Variants in ANK3 observed in about 807,000 individuals in gnomAD.
ANK3 encodes the protein ankyrin-3.
ANK3 carries 57 observed loss-of-function variants against 370.9 expected under a neutral mutation model. The observed-to-expected ratio is 0.15, with a 90% CI of 0.12 to 0.19. ANK3 has a LOEUF of 0.19. Ranked by LOEUF, ANK3 falls within the 10% of genes least tolerant of loss-of-function variation. The probability of loss-of-function intolerance (pLI) is 1.00; values close to 1 mark genes in which losing one functional copy is unlikely to be tolerated. For synonymous variants in ANK3, 1,929 were observed against 1,946.3 expected (o/e 0.99, Z 0.23); for missense variants, 4,439 against 5,302.1 (o/e 0.84, Z 5.06).
chr10:60,480,766 T>C (rs908268901), intron 2 of ANK3, among the ~76,000 whole-genome samples: 18 of 152,328 alleles, frequency 1.2e-4, no homozygotes, highest in African/African-American at 4.1e-4. Context: ...CACAACTTGA[T>C]GATACTTGCC....
At chr10:60,141,339 A>G (rs2094546593) in intron 23 of ANK3, among the ~76,000 whole-genome samples, 1 of 152,112 alleles carries the variant, frequency 6.6e-6, no homozygotes, top group African/African-American at 2.4e-5. Flanking sequence ...GAGGAAGTGC[A>G]AAGCAAAGGG....
chr10:60,208,177 C>T lies in ANK3; in HGVS notation c.1053G>A (p.Gln351=). The change falls in exon 10 of 44, where the codon CAG becomes CAA. Residue 351 remains glutamine, a synonymous_variant. Coordinates refer to ENST00000280772, the MANE Select transcript of ANK3 (RefSeq NM_020987.5). ...CGGGTACATTATGCTGGAGGAGAAG[C>T]TGGACGCAGTTTAAATGATCCCCTT... ...ATQGDHLNCV[Q]LLLQHNVPVD... The T allele has an allele frequency of 6.2e-7, 1 of 1,614,124 alleles. No individual in the cohort carries two copies. The highest frequency in any genetic ancestry group is 1.1e-5 in the South Asian group (1 of 91,080).
At chr10:60,438,072 C>T in intron 2 of ANK3, among the ~76,000 whole-genome samples, 1 of 152,090 alleles carries the variant, frequency 6.6e-6, no homozygotes, top group Non-Finnish European at 1.5e-5. Flanking sequence ...TTATCTTAGC[C>T]AGAAATTCAT....
At chr10:60,725,014 T>C (rs1255600575) in intron 1 of ANK3, among the ~76,000 whole-genome samples, 1 of 152,198 alleles carries the variant, frequency 6.6e-6, no homozygotes, top group Non-Finnish European at 1.5e-5. Context: ...CCCACTCCCA[T>C]GCTCTGGATC....
chr10:60,650,282 C>T (rs1355844071), intron 1 of ANK3, among the ~76,000 whole-genome samples: 1 of 150,082 alleles, frequency 6.7e-6, no homozygotes, highest in Non-Finnish European at 1.5e-5. Flanking sequence ...TACATATTAG[C>T]TAGGCTGCTT....
intron 42 of ANK3, chr10:60,043,740 C>T: frequency 2.0e-6 from 2 of 985,408 alleles, no homozygotes; most frequent in South Asian, 9.4e-5. Flanking sequence ...CTGCTGAAGG[C>T]CAAGCCCTGG....
intron 2 of ANK3, among the ~76,000 whole-genome samples, chr10:60,546,238 G>A (rs907818595): frequency 5.3e-5 from 8 of 152,060 alleles, no homozygotes; most frequent in Non-Finnish European, 1.0e-4. Flanking sequence ...GTCTCACTAT[G>A]TTGCCCAGAT....
At chr10:60,266,144 A>G (rs1174182515) in intron 5 of ANK3, among the ~76,000 whole-genome samples, 1 of 152,198 alleles carries the variant, frequency 6.6e-6, no homozygotes, top group Non-Finnish European at 1.5e-5. Flanking sequence ...ACAAACAGGG[A>G]AAGACTAGAT....
intron 2 of ANK3, among the ~76,000 whole-genome samples, chr10:60,462,584 CT>C (rs76654028): frequency 0.36 from 50,997 of 140,426 alleles, 8,856 homozygotes; most frequent in East Asian, 0.51. Flanking sequence ...AAAAATTTAG[CT>C]TTTTTTTTTT....
chr10:60,448,915 G>C (rs1488949786), intron 2 of ANK3, among the ~76,000 whole-genome samples: 2 of 152,208 alleles, frequency 1.3e-5, no homozygotes, highest in Non-Finnish European at 2.9e-5. Context: ...TGAATCCCTG[G>C]ATGCCCGACC....
At chr10:60,291,808 G>A (rs1451885793) in intron 1 of ANK3, among the ~76,000 whole-genome samples, 2 of 152,028 alleles carry the variant, frequency 1.3e-5, no homozygotes, top group East Asian at 1.9e-4. Flanking sequence ...CACCTCCCAG[G>A]CTCAAGCAAT....
chr10:60,364,856 CA>C lies in ANK3; in HGVS notation c.114+24568del, dbSNP rs374195316. Among the ~76,000 whole-genome samples, 526 of 139,440 alleles carry C rather than the reference CA, an allele frequency of 3.8e-3. 1 individual carries two copies. The highest frequency in any genetic ancestry group is 0.012 in the African/African-American group (456 of 38,608). 91.5% of individuals were successfully genotyped at this position (139,440 alleles called of 152,430 possible). Reference sequence around the variant, plus strand: ...AGAACTGTATGTTTTAAACAAATAACAAAAAAAAAAGGAAACATAAATTCAG... The same window carrying C: ...AGAACTGTATGTTTTAAACAAATAACAAAAAAAAAGGAAACATAAATTCAG... On this transcript the variant is annotated intron_variant, in intron 1 of 43. Transcript: ENST00000280772.
intron 1 of ANK3, among the ~76,000 whole-genome samples, chr10:60,331,964 C>CTG (rs557620044): frequency 1.3e-5 from 2 of 148,506 alleles, no homozygotes; most frequent in Non-Finnish European, 3.0e-5. Flanking sequence ...ATCTTTTTTT[C>CTG]TTTTTTTTTT....
chr10:60,512,727 CT>C (rs2076118895), intron 2 of ANK3, among the ~76,000 whole-genome samples: 1 of 152,054 alleles, frequency 6.6e-6, no homozygotes, highest in South Asian at 2.1e-4. Context: ...GACTATGGTT[CT>C]GATGCAGAAC....
chr10:60,645,547 G>A (rs1273829385), intron 1 of ANK3, among the ~76,000 whole-genome samples: 1 of 151,972 alleles, frequency 6.6e-6, no homozygotes, highest in Non-Finnish European at 1.5e-5. Flanking sequence ...CCAACATGGT[G>A]AAATCTCGTC....
At chr10:60,109,088 C>T (rs755957914) in intron 26 of ANK3, 34 bp from the exon 27 acceptor site, 22 of 1,541,076 alleles carry the variant, frequency 1.4e-5, no homozygotes, top group South Asian at 1.0e-4. Context: ...AATTCAAGGA[C>T]GGAAATAAAC....
chr10:60,145,986 G>T, intron 23 of ANK3: 2 of 1,028,798 alleles, frequency 1.9e-6, no homozygotes, highest in Non-Finnish European at 1.5e-6. Context: ...GTAAACTCTT[G>T]TACCTTGGGA....
intron 5 of ANK3, among the ~76,000 whole-genome samples, chr10:60,267,226 C>G (rs10761471): frequency 0.46 from 69,597 of 151,860 alleles, 16,392 homozygotes; most frequent in East Asian, 0.64. Flanking sequence ...TAAATACAGA[C>G]TTCTCTATAA....
chr10:60,203,248 G>A (rs2096712499), intron 11 of ANK3, 148 bp from the exon 12 acceptor site: 1 of 517,334 alleles, frequency 1.9e-6, no homozygotes, highest in Admixed American at 3.7e-5. Context: ...TTATGTTACA[G>A]ATTCTATATG....
Sources: gnomAD v4.1 joint callset for allele counts (sites outside exome capture counted in the v4.1 genomes callset) on GRCh38, gnomAD v4.1.1 for gene constraint, MANE v1.5 for transcripts, NCBI Gene and HGNC (gene_info 2026-07-23, HGNC 2026-07-21) for gene names.